Variants in ZNF248 observed in about 807,000 individuals in gnomAD.
ZNF248 encodes the protein zinc finger protein 248.
In ZNF248, 20 loss-of-function variants were observed where a neutral mutation model predicts 44.3. The observed-to-expected ratio is 0.45, with a 90% CI of 0.32 to 0.66. The LOEUF (loss-of-function observed/expected upper bound fraction) is 0.66. Ranked by LOEUF, ZNF248 falls within the 30% of genes least tolerant of loss-of-function variation. ZNF248 has a pLI of 0.04. For synonymous variants in ZNF248, 224 were observed against 229.0 expected (o/e 0.98, Z 0.20); for missense variants, 654 against 677.0 (o/e 0.97, Z 0.38).
At position 37,830,976 on chromosome 10, in the gene ZNF248, C is replaced by A; in HGVS notation, c.*639G>T. On this transcript the variant is annotated 3_prime_UTR_variant, in exon 6 of 6. Coordinates refer to ENST00000395867, the MANE Select transcript of ZNF248 (RefSeq NM_021045.3). ...AATTTAACAATCAGAACTTTTAAGT[C>A]AGTATGAGGTTATACTAGCACATCA... The A allele has an allele frequency of 1.8e-6, 1 of 567,418 alleles. No homozygotes were observed. The highest frequency in any genetic ancestry group is 2.3e-6 in the Non-Finnish European group (1 of 429,586). 35.1% of individuals were successfully genotyped at this position (567,418 alleles called of 1,614,324 possible). A position where few individuals can be genotyped will look rare whatever the true frequency, so the allele number is the denominator to read the frequency against.
intron 6 of ZNF248, chr10:37,820,869 G>T: frequency 2.4e-6 from 3 of 1,253,806 alleles, no homozygotes; most frequent in South Asian, 1.2e-5. Flanking sequence ...ATTTCTTCTT[G>T]CATATTTATT....
At chr10:37,809,777 T>C (rs1429831538) in intron 6 of ZNF248, among the ~76,000 whole-genome samples, 1 of 152,220 alleles carries the variant, frequency 6.6e-6, no homozygotes, top group Non-Finnish European at 1.5e-5. Context: ...TGTGATTTTT[T>C]TCTTTTACTT....
intron 6 of ZNF248, among the ~76,000 whole-genome samples, chr10:37,812,806 G>T (rs749346202): frequency 6.6e-6 from 1 of 152,098 alleles, no homozygotes; most frequent in Non-Finnish European, 1.5e-5. Flanking sequence ...TAATGCTATG[G>T]AAGAGAACCC....
chr10:37,820,811 C>A, intron 6 of ZNF248: 1 of 1,188,594 alleles, frequency 8.4e-7, no homozygotes. Context: ...CTTTTGTTTC[C>A]TGATTTTCCA....
At chr10:37,780,948 G>A (rs1354894803) in intron 6 of ZNF248, among the ~76,000 whole-genome samples, 3 of 152,210 alleles carry the variant, frequency 2.0e-5, no homozygotes, top group Non-Finnish European at 2.9e-5. Flanking sequence ...TGCAAAAGGC[G>A]CAGAGCACAG....
downstream of ZNF248, among the ~76,000 whole-genome samples, chr10:37,772,265 G>GAAA (rs36082673): frequency 8.4e-6 from 1 of 119,700 alleles, no homozygotes; most frequent in African/African-American, 3.0e-5. Flanking sequence ...ACTGTCTCAA[G>GAAA]AAAAAAAAAA....
At chr10:37,852,431 C>CA (rs1206237501) in intron 3 of ZNF248, among the ~76,000 whole-genome samples, 1 of 151,940 alleles carries the variant, frequency 6.6e-6, no homozygotes, top group African/African-American at 2.4e-5. Context: ...AGGACAGAAA[C>CA]AGATTAGTAG....
At chr10:37,793,243 C>G (rs898308435) in intron 6 of ZNF248, among the ~76,000 whole-genome samples, 4 of 151,810 alleles carry the variant, frequency 2.6e-5, no homozygotes. Flanking sequence ...GCTGAGGCAG[C>G]AGAATTGCTT....
chr10:37,813,439 C>T (rs1419588914), intron 6 of ZNF248, among the ~76,000 whole-genome samples: 1 of 152,144 alleles, frequency 6.6e-6, no homozygotes, highest in East Asian at 1.9e-4. Context: ...TGCCTCCCTT[C>T]CATCTCCTCC....
chr10:37,839,534 C>T (rs76801288), intron 3 of ZNF248, among the ~76,000 whole-genome samples: 1 of 151,860 alleles, frequency 6.6e-6, no homozygotes, highest in Admixed American at 6.6e-5. Context: ...CACATGCACA[C>T]ACACATACAT....
chr10:37,856,294 A>C lies in ZNF248; in HGVS notation c.15+2T>G. 1 of 1,613,316 alleles carries C rather than the reference A, an allele frequency of 6.2e-7. No individual in the cohort carries two copies. Among genetic ancestry groups the C allele is most frequent in the Non-Finnish European group, 8.5e-7 (1 of 1,179,446 alleles). Reference sequence around the variant, plus strand: ...CTGGGAATAAAGAAACAAGAATCTCACCTGGGATTTGTTCATTTTCCGCTC... The same window carrying C: ...CTGGGAATAAAGAAACAAGAATCTCCCCTGGGATTTGTTCATTTTCCGCTC... On this transcript the variant is annotated splice_donor_variant, in intron 3 of 5. Coordinates refer to ENST00000395867, the MANE Select transcript of ZNF248 (RefSeq NM_021045.3). LOFTEE classifies it high-confidence loss of function.
At position 37,829,160 on chromosome 10, in the gene ZNF248, G is replaced by A. The variant is rs774452130; in HGVS notation, c.*2455C>T. On this transcript the variant is annotated 3_prime_UTR_variant, in exon 6 of 6. Transcript: ENST00000395867. ...TCCAAAGAGAGACACCAGCAATTTGGCACCACAGTTCTGGTAGTAATGATG... is the reference window on the plus strand; with the variant it reads ...TCCAAAGAGAGACACCAGCAATTTGACACCACAGTTCTGGTAGTAATGATG... The A allele has an allele frequency of 2.4e-4, 234 of 985,394 alleles. No individual in the cohort carries two copies. Among genetic ancestry groups the A allele is most frequent in the South Asian group, 6.1e-4 (13 of 21,288 alleles). The allele number at this position is 985,394 out of a possible 1,614,324, so 61.0% of individuals were successfully genotyped here. A position where few individuals can be genotyped will look rare whatever the true frequency, so the allele number is the denominator to read the frequency against.
chr10:37,824,672 A>ATTTTTTTTTTTTTTTTTT (rs1564542451), downstream of ZNF248, among the ~76,000 whole-genome samples: 17 of 61,306 alleles, frequency 2.8e-4, 1 homozygote, highest in African/African-American at 1.1e-3. Context: ...AATTATTTTA[A>ATTTTTTTTTTTTTTTTTT]ATTTTTTTTT....
chr10:37,770,788 A>C, the ZNF248 span, among the ~76,000 whole-genome samples: 1 of 152,142 alleles, frequency 6.6e-6, no homozygotes, highest in African/African-American at 2.4e-5. Flanking sequence ...TAATTAAACT[A>C]AAGAGCTTCT....
At position 37,832,370 on chromosome 10, in the gene ZNF248, C is replaced by T; in HGVS notation, c.985G>A (p.Val329Met). ...GACTTTTCCCAGGTTTTGTCACTCACTTTATATTCACGGAGAATCTTTCTT... is the reference window on the plus strand; with the variant it reads ...GACTTTTCCCAGGTTTTGTCACTCATTTTATATTCACGGAGAATCTTTCTT... The part of the protein sequence containing the change: ...YTRKILREYK[V>M]SDKTWEKSAL... The change falls in exon 6 of 6, where the codon GTG becomes ATG. Residue 329 changes from valine to methionine, a missense_variant. Physicochemically the swap from Val to Met is conservative, Grantham distance 21 (BLOSUM62 1). Transcript: ENST00000395867. 2 of 1,614,066 alleles carry T rather than the reference C, an allele frequency of 1.2e-6. No homozygotes were observed. Among genetic ancestry groups the T allele is most frequent in the Non-Finnish European group, 1.7e-6 (2 of 1,179,954 alleles).
chr10:37,804,269 T>C (rs1233811442), intron 6 of ZNF248, among the ~76,000 whole-genome samples: 2 of 151,562 alleles, frequency 1.3e-5, no homozygotes, highest in African/African-American at 4.8e-5. Flanking sequence ...TGAATATGTA[T>C]CTTGTTATAA....
In ZNF248 at chr10:37,829,443, G is replaced by GA. The variant is rs1413230707; in HGVS notation, c.*2171dup. 14 of 985,300 alleles carry GA rather than the reference G, an allele frequency of 1.4e-5. No homozygotes were observed. The highest frequency in any genetic ancestry group is 1.7e-5 in the Non-Finnish European group (14 of 829,898). 61.0% of individuals were successfully genotyped at this position (985,300 alleles called of 1,614,324 possible). ...AACAGCCATCCCTATATTAACTTGT[G>GA]AAAAGAAATAATTCTTCCCCCTAAT... On this transcript the variant is annotated 3_prime_UTR_variant, in exon 6 of 6. Coordinates refer to ENST00000395867, the MANE Select transcript of ZNF248 (RefSeq NM_021045.3).
Position 37,781,569 on chromosome 10 carries a change from T to A in ZNF248, c.331-4994A>T, listed in dbSNP as rs895680105. On this transcript the variant is annotated intron_variant, in intron 6 of 6. Transcript: ENST00000615949. Reference sequence around the variant, plus strand: ...CTCAGTACACCCCTTAGCCGTTAATTCAGTTAATCTGTTAACCCAGTCTGG... The same window carrying A: ...CTCAGTACACCCCTTAGCCGTTAATACAGTTAATCTGTTAACCCAGTCTGG... 7.9e-5 allele frequency among the ~76,000 whole-genome samples: 12 copies of A among 152,320 alleles called. No homozygotes were observed. The East Asian group carries it at 1.9e-3, about 25-fold the overall frequency.
At chr10:37,836,396 C>T (rs919913505) in intron 5 of ZNF248, among the ~76,000 whole-genome samples, 2 of 152,128 alleles carry the variant, frequency 1.3e-5, no homozygotes, top group African/African-American at 4.8e-5. Context: ...GCTCATGTTT[C>T]TTCTCCTGAC....
Sources: allele counts gnomAD v4.1 joint callset (sites outside exome capture counted in the v4.1 genomes callset), GRCh38; gene constraint gnomAD v4.1.1; transcripts MANE v1.5; gene names NCBI Gene and HGNC (gene_info 2026-07-23, HGNC 2026-07-21).